Variants in APBB2 observed in about 807,000 individuals in gnomAD.
APBB2 encodes amyloid beta precursor protein binding family B member 2.
APBB2 carries 38 observed loss-of-function variants against 82.5 expected under a neutral mutation model. The ratio of observed to expected loss-of-function variants is 0.46; its 90% confidence interval spans 0.36 to 0.60. The LOEUF (loss-of-function observed/expected upper bound fraction) is 0.60. Ranked by LOEUF, APBB2 falls within the 20% of genes least tolerant of loss-of-function variation. APBB2 has a pLI of 0.00. For synonymous variants in APBB2, 341 were observed against 368.2 expected (o/e 0.93, Z 0.85); for missense variants, 772 against 972.3 (o/e 0.79, Z 2.74).
chr4:41,163,046 G>C (rs1765588610), intron 1 of APBB2, among the ~76,000 whole-genome samples: 1 of 152,174 alleles, frequency 6.6e-6, no homozygotes, highest in Non-Finnish European at 1.5e-5. Context: ...AACTACTTAA[G>C]AGGACTCTAG....
chr4:40,839,114 G>T (rs1754988163), intron 12 of APBB2, among the ~76,000 whole-genome samples: 1 of 151,944 alleles, frequency 6.6e-6, no homozygotes, highest in African/African-American at 2.4e-5. Context: ...GTCTCACTCT[G>T]TCGGCCAGGC....
chr4:41,037,289 G>A (rs1579446107), intron 4 of APBB2, among the ~76,000 whole-genome samples: 2 of 152,130 alleles, frequency 1.3e-5, no homozygotes, highest in South Asian at 2.1e-4. Context: ...AATACTTGGC[G>A]TGGAAAAAAT....
intron 12 of APBB2, among the ~76,000 whole-genome samples, chr4:40,837,512 A>G (rs1754370500): frequency 6.6e-6 from 1 of 152,212 alleles, no homozygotes. Context: ...GCCAGAAAGA[A>G]CATCACTCCC....
intron 6 of APBB2, among the ~76,000 whole-genome samples, chr4:41,010,518 T>G (rs1406570100): frequency 6.6e-6 from 1 of 152,136 alleles, no homozygotes; most frequent in Non-Finnish European, 1.5e-5. Flanking sequence ...CTGAAAGTCT[T>G]CCTGGAAAGA....
intron 2 of APBB2, among the ~76,000 whole-genome samples, chr4:41,135,918 G>GC (rs1483718009): frequency 6.6e-6 from 1 of 152,146 alleles, no homozygotes; most frequent in Non-Finnish European, 1.5e-5. Flanking sequence ...CAATTCTCTT[G>GC]CCTCAGCCTC....
At chr4:40,918,132 T>G (rs894665463) in intron 10 of APBB2, among the ~76,000 whole-genome samples, 7 of 152,254 alleles carry the variant, frequency 4.6e-5, no homozygotes, top group Admixed American at 2.6e-4. Context: ...TTATTTACAA[T>G]GTGACGTATC....
At chr4:41,058,479 A>G (rs1365940909) in intron 4 of APBB2, among the ~76,000 whole-genome samples, 2 of 152,236 alleles carry the variant, frequency 1.3e-5, no homozygotes, top group Non-Finnish European at 2.9e-5. Context: ...TCTGAAAATA[A>G]TGGCGGTCAA....
intron 4 of APBB2, among the ~76,000 whole-genome samples, chr4:41,063,950 A>ATTTTTTT (rs11422110): frequency 7.6e-5 from 7 of 91,788 alleles, no homozygotes; most frequent in Non-Finnish European, 1.2e-4. Context: ...AAATGCTGGG[A>ATTTTTTT]TTTTTTTTTT....
chr4:40,981,971 A>G (rs953903927), intron 6 of APBB2, among the ~76,000 whole-genome samples: 3 of 151,724 alleles, frequency 2.0e-5, no homozygotes, highest in Non-Finnish European at 4.4e-5. Flanking sequence ...GGATCATTTG[A>G]GTCAGGAGTT....
intron 8 of APBB2, 100 bp downstream of exon 8, chr4:40,934,977 C>A (rs1785058233): frequency 2.9e-6 from 3 of 1,030,088 alleles, no homozygotes; most frequent in Non-Finnish European, 4.2e-6. Flanking sequence ...CACTGTGTCC[C>A]TGCAGAATGC....
rs543809261 is a variant in APBB2, at chr4:40,810,665, C to A, written c.*5427G>T. Reference sequence around the variant, plus strand: ...AACCAGGCTTATTGTATTTTAAATCCCTGAAGAAGAATTCTTCATGTTATC... The same window carrying A: ...AACCAGGCTTATTGTATTTTAAATCACTGAAGAAGAATTCTTCATGTTATC... On this transcript the variant is annotated 3_prime_UTR_variant, in exon 18 of 18. Coordinates refer to ENST00000508593, the MANE Select transcript of APBB2 (RefSeq NM_004307.2). 4 of 151,146 alleles carry A rather than the reference C, an allele frequency of 2.6e-5. No homozygotes were observed. In the South Asian group the frequency reaches 8.4e-4, roughly 32 times the overall value. 9.4% of individuals were successfully genotyped at this position (151,146 alleles called of 1,614,324 possible).
At chr4:41,069,059 G>C (rs922368308) in intron 3 of APBB2, among the ~76,000 whole-genome samples, 1 of 152,130 alleles carries the variant, frequency 6.6e-6, no homozygotes, top group Non-Finnish European at 1.5e-5. Flanking sequence ...CTCCCAAAGT[G>C]CTGGGATTAC....
At chr4:40,891,648 A>G (rs560959477) in intron 11 of APBB2, among the ~76,000 whole-genome samples, 1 of 152,310 alleles carries the variant, frequency 6.6e-6, no homozygotes, top group East Asian at 1.9e-4. Context: ...TGGCCTGTCT[A>G]CAGCTGAGAT....
intron 5 of APBB2, among the ~76,000 whole-genome samples, chr4:41,023,937 A>G (rs1219010580): frequency 6.6e-6 from 1 of 152,232 alleles, no homozygotes; most frequent in Non-Finnish European, 1.5e-5. Context: ...ATTATACTAC[A>G]GGGCTTCAGT....
intron 1 of APBB2, among the ~76,000 whole-genome samples, chr4:41,214,103 G>A (rs1338890399): frequency 2.0e-5 from 3 of 152,220 alleles, no homozygotes; most frequent in African/African-American, 7.2e-5. Context: ...AAGCGGGAGG[G>A]ATGGAAGTCA....
Position 41,119,398 on chromosome 4 carries a change from C to T in APBB2, c.-260-18648G>A, listed in dbSNP as rs938974464. ...CCTTTTATACAACACTAACATGTTT[C>T]GGGCTCCAAGTTCTCCAGCTTAATT... On this transcript the variant is annotated intron_variant, in intron 2 of 17. Coordinates refer to ENST00000508593, the MANE Select transcript of APBB2 (RefSeq NM_004307.2). Among the ~76,000 whole-genome samples, 10 of 151,638 alleles carry T rather than the reference C, an allele frequency of 6.6e-5. No individual in the cohort carries two copies. In the East Asian group the frequency reaches 1.7e-3, roughly 26 times the overall value.
At chr4:40,947,782 G>A (rs988608465) in intron 6 of APBB2, among the ~76,000 whole-genome samples, 1 of 152,202 alleles carries the variant, frequency 6.6e-6, no homozygotes, top group Non-Finnish European at 1.5e-5. Flanking sequence ...AGGGTAGGCA[G>A]ATACCATAAC....
At chr4:40,946,232 CAAAAAAAAAAA>C (rs55995119) in intron 6 of APBB2, among the ~76,000 whole-genome samples, 1 of 78,724 alleles carries the variant, frequency 1.3e-5, no homozygotes, top group Non-Finnish European at 2.4e-5. Context: ...ACTCTATCTC[CAAAAAAAAAAA>C]AAAAAAAAAA....
At position 40,893,358 on chromosome 4, in the gene APBB2, G is replaced by C. The variant is rs761385335; in HGVS notation, c.1308C>G (p.Ala436=). Residue 436 remains alanine (A), a synonymous_variant, in exon 11 of 18, where the codon GCC becomes GCG. Transcript: ENST00000508593. The part of the protein sequence containing the change: ...GWVEMAEEDL[A]PGKSSVAVNN... ...TGACCGCAACACTACTTTTACCGGG[G>C]GCGAGGTCCTCTTCTGCCATCTCTA... 2.7e-5 allele frequency: 43 copies of C among 1,613,344 alleles called. No homozygotes were observed. Among genetic ancestry groups the C allele is most frequent in the Admixed American group, 1.3e-4 (8 of 59,906 alleles).
Sources: allele counts gnomAD v4.1 joint callset (sites outside exome capture counted in the v4.1 genomes callset), GRCh38; gene constraint gnomAD v4.1.1; transcripts MANE v1.5; gene names NCBI Gene and HGNC (gene_info 2026-07-23, HGNC 2026-07-21).